Variants in ECH1 observed in about 807,000 individuals in gnomAD.
ECH1 encodes enoyl-CoA hydratase 1.
Under a neutral mutation model 37.0 loss-of-function variants are expected in ECH1, and 30 were observed. That is an observed-to-expected ratio of 0.81 (90% CI 0.61 to 1.10). The LOEUF (loss-of-function observed/expected upper bound fraction) is 1.10. Among genes scored for constraint, ECH1 ranks in the 50% least tolerant of loss-of-function variants. The pLI is 0.00. For missense variants in ECH1, 456 were observed against 441.6 expected, an observed-to-expected ratio of 1.03 and a Z score of -0.29; for synonymous variants, 178 against 176.0, an observed-to-expected ratio of 1.01 and a Z score of -0.09.
At chr19:38,815,788 G>C in intron 9 of ECH1, 69 bp downstream of exon 9, 2 of 1,612,844 alleles carry the variant, frequency 1.2e-6, no homozygotes, top group African/African-American at 1.3e-5. Flanking sequence ...AAGCATGAGA[G>C]CACCCTGCAC....
chr19:38,819,158 C>G (rs1308310735), intron 3 of ECH1: 3 of 985,220 alleles, frequency 3.0e-6, no homozygotes, highest in Non-Finnish European at 3.6e-6. Flanking sequence ...GGTGAAAAGA[C>G]AAGTGGAAAT....
chr19:38,821,058 C>A (rs1287394561), intron 3 of ECH1, among the ~76,000 whole-genome samples: 1 of 152,162 alleles, frequency 6.6e-6, no homozygotes, highest in Non-Finnish European at 1.5e-5. Context: ...GCAGGAGGAT[C>A]GCTTTAGATC....
At chr19:38,816,841 C>T (rs1425712981) in intron 6 of ECH1, 10 of 641,070 alleles carry the variant, frequency 1.6e-5, no homozygotes, top group Non-Finnish European at 2.2e-5. Flanking sequence ...CCCACCCTCA[C>T]CAGTATGGCC....
Position 38,831,346 on chromosome 19 carries a change from G to A in ECH1, c.223C>T (p.Pro75Ser). The A allele has an allele frequency of 1.2e-6, 2 of 1,613,412 alleles. No homozygotes were observed. Among genetic ancestry groups the A allele is most frequent in the Non-Finnish European group, 8.5e-7 (1 of 1,179,562 alleles). ...TTGTTCATGGCATTCCTCTTGTTGGGCCGGTTGAGCTGGACATGCAGAACA... is the reference window on the plus strand; with the variant it reads ...TTGTTCATGGCATTCCTCTTGTTGGACCGGTTGAGCTGGACATGCAGAACA... Reference protein sequence around the residue: ...KHVLHVQLNRPNKRNAMNKVF... With the variant: ...KHVLHVQLNRSNKRNAMNKVF... The change falls in exon 2 of 10, where the codon CCC (proline) becomes TCC (serine). Residue 75 changes from proline to serine, a missense_variant. Transcript: ENST00000221418.
intron 3 of ECH1, among the ~76,000 whole-genome samples, chr19:38,827,605 C>T (rs1313261013): frequency 2.6e-5 from 4 of 152,116 alleles, no homozygotes; most frequent in Admixed American, 6.5e-5. Context: ...AGAGCCAGAG[C>T]GAGGAGTCCC....
intron 3 of ECH1, among the ~76,000 whole-genome samples, chr19:38,819,485 TC>T (rs1436597915): frequency 6.6e-6 from 1 of 151,908 alleles, no homozygotes; most frequent in Non-Finnish European, 1.5e-5. Context: ...AGGGTCTGAC[TC>T]CCTTTCTAGA....
chr19:38,816,399 G>T (rs772952913), intron 7 of ECH1, 44 bp from the exon 8 acceptor site: 1 of 1,613,884 alleles, frequency 6.2e-7, no homozygotes, highest in African/African-American at 1.3e-5. Context: ...CCACCCCGGG[G>T]CTGGGAGATG....
intron 3 of ECH1, chr19:38,830,802 G>A (rs1421506821): frequency 9.1e-6 from 4 of 438,602 alleles, no homozygotes; most frequent in East Asian, 9.6e-5. Flanking sequence ...GTGAAACCCC[G>A]TCTCTACTAA....
intron 6 of ECH1, 85 bp from the exon 7 acceptor site, chr19:38,816,608 C>T (rs1971581193): frequency 6.8e-7 from 1 of 1,477,784 alleles, no homozygotes; most frequent in Admixed American, 1.9e-5. Flanking sequence ...TTCATGTCTA[C>T]TGGAGAGTCC....
rs550684393 is a variant in ECH1, at chr19:38,818,322, G to T, written c.350-747C>A. ...AACATCTCACGATGCAGCAATTTCT[G>T]TGGCTCCAACTTCAAGATGATCCTG... On this transcript the variant is annotated intron_variant, in intron 3 of 9. Transcript: ENST00000221418. The T allele has an allele frequency of 5.1e-6, 5 of 985,312 alleles. No homozygotes were observed. The African/African-American group carries it at 8.7e-5, about 17-fold the overall frequency. The allele number at this position is 985,312 out of a possible 1,614,324, so 61.0% of individuals were successfully genotyped here. A position where few individuals can be genotyped will look rare whatever the true frequency, so the allele number is the denominator to read the frequency against.
chr19:38,828,617 T>C (rs1477602351), intron 3 of ECH1, among the ~76,000 whole-genome samples: 2 of 151,288 alleles, frequency 1.3e-5, no homozygotes, highest in African/African-American at 2.4e-5. Context: ...GTTTTTGTTT[T>C]GTTTTTATTT....
intron 3 of ECH1, among the ~76,000 whole-genome samples, chr19:38,826,300 C>T (rs1971737979): frequency 1.3e-5 from 2 of 152,310 alleles, no homozygotes; most frequent in Admixed American, 6.5e-5. Flanking sequence ...ATTGGAAGGA[C>T]AATTTGGAAG....
At chr19:38,822,555 G>A (rs894434735) in intron 3 of ECH1, among the ~76,000 whole-genome samples, 11 of 139,022 alleles carry the variant, frequency 7.9e-5, no homozygotes, top group Non-Finnish European at 1.6e-4. Context: ...AATCAGCACT[G>A]TGTGTCTAGC....
At position 38,831,393 on chromosome 19, in the gene ECH1, C is replaced by A. The variant is rs758381658; in HGVS notation, c.176G>T (p.Arg59Leu). Residue 59 changes from arginine (R) to leucine (L), a missense_variant, in exon 2 of 10, where the codon CGT (arginine) becomes CTT (leucine). Coordinates refer to ENST00000221418, the MANE Select transcript of ECH1 (RefSeq NM_001398.3). ...EAPDHSYESL[R>L]VTSAQKHVLH... ...AACATGTTTCTGCGCAGACGTCACA[C>A]GAAGGGACTCATAGCTGTGGTCTGG... 44 of 1,614,018 alleles carry A rather than the reference C, an allele frequency of 2.7e-5. No homozygotes were observed. The highest frequency in any genetic ancestry group is 3.6e-5 in the Non-Finnish European group (43 of 1,180,030).
intron 3 of ECH1, among the ~76,000 whole-genome samples, chr19:38,826,146 CTTA>C (rs1046549982): frequency 2.4e-4 from 36 of 152,338 alleles, no homozygotes; most frequent in African/African-American, 8.4e-4. Context: ...ACATGCCTTT[CTTA>C]TTATGCCTGA....
chr19:38,829,285 CAAAAAAAAAAAAA>C (rs35813067), intron 3 of ECH1, among the ~76,000 whole-genome samples: 4 of 64,238 alleles, frequency 6.2e-5, no homozygotes, highest in Non-Finnish European at 8.9e-5. Flanking sequence ...ACTCCTTCTC[CAAAAAAAAAAAAA>C]AAAAAAAAAA....
chr19:38,816,176 G>A, intron 8 of ECH1, 108 bp downstream of exon 8: 1 of 1,496,442 alleles, frequency 6.7e-7, no homozygotes, highest in Admixed American at 2.1e-5. Context: ...CACCAAGAAA[G>A]GATGCCACTA....
At chr19:38,818,290 G>C in intron 3 of ECH1, 1 of 985,364 alleles carries the variant, frequency 1.0e-6, no homozygotes, top group Non-Finnish European at 1.2e-6. Context: ...TGTTTCCTGA[G>C]ATGAGAAACA....
rs555785851 is a variant in ECH1 at position 38,823,255 on chromosome 19, G to A, written c.350-5680C>T. 77 of 171,298 alleles carry A rather than the reference G, an allele frequency of 4.5e-4. 3 individuals are homozygous for A. The South Asian group carries it at 0.011, about 24-fold the overall frequency. The allele number at this position is 171,298 out of a possible 1,614,324, so 10.6% of individuals were successfully genotyped here. A position where few individuals can be genotyped will look rare whatever the true frequency, so the allele number is the denominator to read the frequency against. On this transcript the variant is annotated intron_variant, in intron 3 of 9. Coordinates refer to ENST00000221418, the MANE Select transcript of ECH1 (RefSeq NM_001398.3). ...TGTAACACTCACCACGAGATTCTGCGGCTTCATTCTTGAAGTCAGTGAGAC... is the reference window on the plus strand; with the variant it reads ...TGTAACACTCACCACGAGATTCTGCAGCTTCATTCTTGAAGTCAGTGAGAC...
Sources: allele counts gnomAD v4.1 joint callset (sites outside exome capture counted in the v4.1 genomes callset), GRCh38; gene constraint gnomAD v4.1.1; transcripts MANE v1.5; gene names NCBI Gene and HGNC (gene_info 2026-07-23, HGNC 2026-07-21).